The following PURG variants were observed in gnomAD, a reference collection of about 807,000 sequenced individuals.
The protein encoded by PURG is purine-rich element-binding protein gamma.
PURG carries 3 observed loss-of-function variants against 24.3 expected under a neutral mutation model. The observed-to-expected ratio is 0.12, with a 90% CI of 0.06 to 0.32. The LOEUF (loss-of-function observed/expected upper bound fraction) is 0.32, where lower values mean the gene tolerates loss of function less well. Among genes scored for constraint, PURG ranks in the 10% least tolerant of loss-of-function variants. The pLI is 1.00. For missense variants in PURG, 371 were observed against 439.1 expected (o/e 0.84, Z 1.39); for synonymous variants, 180 against 173.1 (o/e 1.04, Z -0.31).
intron 1 of PURG, among the ~76,000 whole-genome samples, chr8:31,023,524 G>A (rs190159129): frequency 1.4e-3 from 215 of 148,912 alleles, no homozygotes; most frequent in African/African-American, 4.9e-3. Flanking sequence ...CAGCCTGGGC[G>A]ATAGAGTGAG....
chr8:31,004,603 G>T (rs913505089), intron 1 of PURG, among the ~76,000 whole-genome samples: 1 of 152,108 alleles, frequency 6.6e-6, no homozygotes, highest in Non-Finnish European at 1.5e-5. Flanking sequence ...GGAGGCAGAG[G>T]TTGCAGTTAC....
chr8:31,019,647 CTT>C (rs1240176776), intron 1 of PURG, among the ~76,000 whole-genome samples: 1 of 144,658 alleles, frequency 6.9e-6, no homozygotes. Flanking sequence ...TCTCTTTTTT[CTT>C]TTTTTTTTGT....
chr8:31,019,757 A>G (rs1409134637), intron 1 of PURG, among the ~76,000 whole-genome samples: 2 of 148,352 alleles, frequency 1.3e-5, no homozygotes, highest in African/African-American at 5.0e-5. Context: ...GGTCTCGAAC[A>G]CCTGACCTTG....
intron 1 of PURG, among the ~76,000 whole-genome samples, chr8:31,009,236 C>G (rs1235514958): frequency 1.3e-5 from 2 of 152,036 alleles, no homozygotes; most frequent in African/African-American, 2.4e-5. Context: ...ACCAGTCTGG[C>G]CAACACAGTG....
chr8:31,019,512 T>C (rs1810952331), intron 1 of PURG, among the ~76,000 whole-genome samples: 1 of 151,392 alleles, frequency 6.6e-6, no homozygotes, highest in South Asian at 2.1e-4. Flanking sequence ...TTTTGTATTT[T>C]AGTAGAGACG....
chr8:31,022,370 C>T (rs950999756), intron 1 of PURG, among the ~76,000 whole-genome samples: 3 of 152,182 alleles, frequency 2.0e-5, no homozygotes, highest in Non-Finnish European at 4.4e-5. Context: ...CCTTTCAGTT[C>T]ATGTCATCCC....
At chr8:30,996,918 A>C (rs946708284) in intron 1 of PURG, among the ~76,000 whole-genome samples, 1 of 151,794 alleles carries the variant, frequency 6.6e-6, no homozygotes, top group Non-Finnish European at 1.5e-5. Context: ...AGGTATATTC[A>C]GATCTCAATG....
chr8:31,023,471 T>G (rs546486268), intron 1 of PURG, among the ~76,000 whole-genome samples: 2 of 151,740 alleles, frequency 1.3e-5, no homozygotes, highest in Admixed American at 6.6e-5. Flanking sequence ...GGGCACTGCA[T>G]AGCTGAGGAC....
At chr8:31,007,607 T>C (rs2129789098) in intron 1 of PURG, among the ~76,000 whole-genome samples, 1 of 152,314 alleles carries the variant, frequency 6.6e-6, no homozygotes, top group Non-Finnish European at 1.5e-5. Flanking sequence ...GTTCAAGTTC[T>C]GAAAGACTAG....
intron 1 of PURG, among the ~76,000 whole-genome samples, chr8:31,005,017 G>C (rs563608058): frequency 9.2e-5 from 14 of 152,290 alleles, no homozygotes; most frequent in African/African-American, 3.4e-4. Flanking sequence ...GTGACGATCT[G>C]CTTATTTCTT....
intron 1 of PURG, among the ~76,000 whole-genome samples, chr8:30,998,857 A>G (rs1218931345): frequency 6.6e-6 from 1 of 151,830 alleles, no homozygotes; most frequent in Non-Finnish European, 1.5e-5. Context: ...ATGCAGGCCT[A>G]AACAAAAAAG....
intron 1 of PURG, among the ~76,000 whole-genome samples, chr8:31,017,357 C>T (rs1328029458): frequency 6.6e-6 from 1 of 151,686 alleles, no homozygotes; most frequent in Non-Finnish European, 1.5e-5. Flanking sequence ...TATATATATG[C>T]ATGTGCAATA....
chr8:30,996,586 T>C, exon 2 of PURG: 1 of 1,586,518 alleles, frequency 6.3e-7, no homozygotes, highest in Non-Finnish European at 8.6e-7. Context: ...CATAAGAGAT[T>C]TATTCCTTAT....
At chr8:31,023,579 A>T (rs1811039614) in intron 1 of PURG, among the ~76,000 whole-genome samples, 1 of 151,736 alleles carries the variant, frequency 6.6e-6, no homozygotes, top group East Asian at 1.9e-4. Flanking sequence ...ATAAATAAAT[A>T]AAATAAATGC....
intron 1 of PURG, among the ~76,000 whole-genome samples, chr8:31,001,715 A>T (rs1159746066): frequency 6.6e-6 from 1 of 151,980 alleles, no homozygotes; most frequent in Non-Finnish European, 1.5e-5. Context: ...CCTACCACTA[A>T]CCCCCACAAA....
downstream of PURG, among the ~76,000 whole-genome samples, chr8:31,029,467 T>A (rs1165216702): frequency 6.6e-6 from 1 of 151,828 alleles, no homozygotes; most frequent in Non-Finnish European, 1.5e-5. Context: ...TGGTATTGTA[T>A]GTATGTATAC....
In PURG at chr8:31,007,391, A is replaced by C. The variant is rs970651561; in HGVS notation, c.865-10694T>G. Among the ~76,000 whole-genome samples the C allele has an allele frequency of 3.3e-5, 5 of 152,304 alleles. No homozygotes were observed. The East Asian group carries it at 9.6e-4, about 29-fold the overall frequency. On this transcript the variant is annotated intron_variant, in intron 1 of 1. Transcript: ENST00000339382. Reference sequence around the variant, plus strand: ...ATTAAAGTGTGATCAACCTTTAAAAAGCTATTTTTTTCAGAGTCAAATGAC... The same window carrying C: ...ATTAAAGTGTGATCAACCTTTAAAACGCTATTTTTTTCAGAGTCAAATGAC...
chr8:31,012,416 G>A lies in PURG; in HGVS notation c.865-15719C>T, dbSNP rs534838962. On this transcript the variant is annotated intron_variant, in intron 1 of 1. Transcript: ENST00000339382. ...TTATATGTAAAATTAAAATGGCAGGGTAAAAATGGGAACTGGGCAAATTAG... is the reference window on the plus strand; with the variant it reads ...TTATATGTAAAATTAAAATGGCAGGATAAAAATGGGAACTGGGCAAATTAG... Among the ~76,000 whole-genome samples, 23 of 152,204 alleles carry A rather than the reference G, an allele frequency of 1.5e-4. No individual in the cohort carries two copies. The South Asian group carries it at 4.8e-3, about 32-fold the overall frequency.
intron 1 of PURG, among the ~76,000 whole-genome samples, chr8:31,016,581 C>CAA (rs11433207): frequency 0.032 from 1,865 of 57,476 alleles, 386 homozygotes; most frequent in Non-Finnish European, 0.039. Flanking sequence ...TACCAAGAAC[C>CAA]AAAAAAAAAA....
Sources: allele counts gnomAD v4.1 joint callset (sites outside exome capture counted in the v4.1 genomes callset), GRCh38; gene constraint gnomAD v4.1.1; transcripts MANE v1.5; gene names NCBI Gene and HGNC (gene_info 2026-07-23, HGNC 2026-07-21).